Variants in SPHKAP observed in about 807,000 individuals in gnomAD.
The protein encoded by SPHKAP is A-kinase anchor protein SPHKAP.
Under a neutral mutation model 137.5 loss-of-function variants are expected in SPHKAP, and 67 were observed. That is an observed-to-expected ratio of 0.49 (90% CI 0.40 to 0.60). The LOEUF (loss-of-function observed/expected upper bound fraction) is 0.60, where lower values mean the gene tolerates loss of function less well. Ranked by LOEUF, SPHKAP falls within the 20% of genes least tolerant of loss-of-function variation. The pLI is 0.00. For missense variants in SPHKAP, 2,097 were observed against 2,069.3 expected (o/e 1.01, Z -0.26); for synonymous variants, 813 against 785.3 (o/e 1.04, Z -0.59).
In SPHKAP at chr2:228,156,948, A is replaced by T. The variant is rs531291544; in HGVS notation, c.32+24619T>A. Reference sequence around the variant, plus strand: ...CTTTATAAATTACCCAGTCTTAGGTATGTCTTTATTAGCTGCTTGAGAACA... The same window carrying T: ...CTTTATAAATTACCCAGTCTTAGGTTTGTCTTTATTAGCTGCTTGAGAACA... On this transcript the variant is annotated intron_variant, in intron 1 of 11. Coordinates refer to ENST00000392056, the MANE Select transcript of SPHKAP (RefSeq NM_001142644.2). 5.3e-5 allele frequency among the ~76,000 whole-genome samples: 8 copies of T among 152,240 alleles called. No homozygotes were observed. The South Asian group carries it at 1.7e-3, about 32-fold the overall frequency.
chr2:228,156,572 G>A (rs962452228), intron 1 of SPHKAP, among the ~76,000 whole-genome samples: 8 of 152,152 alleles, frequency 5.3e-5, no homozygotes. Flanking sequence ...AAACCAAGTA[G>A]AAATCTGTGT....
chr2:228,059,723 T>A (rs1696572930), intron 3 of SPHKAP, among the ~76,000 whole-genome samples: 1 of 152,204 alleles, frequency 6.6e-6, no homozygotes, highest in Non-Finnish European at 1.5e-5. Context: ...ATCTTACCAA[T>A]AAAGAATAAT....
intron 1 of SPHKAP, among the ~76,000 whole-genome samples, chr2:228,144,867 T>C (rs776795537): frequency 4.6e-5 from 7 of 152,146 alleles, no homozygotes; most frequent in Non-Finnish European, 8.8e-5. Flanking sequence ...ACTGATGTGA[T>C]TGGAAAAAGT....
chr2:228,113,621 C>T (rs1199161484), intron 2 of SPHKAP, among the ~76,000 whole-genome samples: 1 of 140,414 alleles, frequency 7.1e-6, no homozygotes, highest in East Asian at 2.0e-4. Context: ...CTCTCTCTCT[C>T]TCTCTCTCTC....
At position 228,021,746 on chromosome 2, in the gene SPHKAP, A is replaced by C; in HGVS notation, c.662T>G (p.Leu221Trp). 6.2e-7 allele frequency: 1 copy of C among 1,613,990 alleles called. No homozygotes were observed. Among genetic ancestry groups the C allele is most frequent in the Non-Finnish European group, 8.5e-7 (1 of 1,179,954 alleles). Residue 221 changes from leucine (L) to tryptophan (W), a missense_variant, in exon 6 of 12, where the codon TTG (leucine) becomes TGG (tryptophan). Leu to Trp is a moderately conservative substitution (Grantham distance 61). Coordinates refer to ENST00000392056, the MANE Select transcript of SPHKAP (RefSeq NM_001142644.2). Reference protein sequence around the residue: ...EEDFLTASEHLEEESEVDESR... With the variant: ...EEDFLTASEHWEEESEVDESR... ...TTCATCCACCTCGCTTTCCTCCTCC[A>C]AGTGCTCAGAAGCGGTGAGAAAGTC...
chr2:227,986,350 A>G (rs1286357015), intron 11 of SPHKAP, among the ~76,000 whole-genome samples: 1 of 152,188 alleles, frequency 6.6e-6, no homozygotes, highest in Non-Finnish European at 1.5e-5. Context: ...GTTCTCACTC[A>G]TAAGTGGGAG....
intron 2 of SPHKAP, among the ~76,000 whole-genome samples, chr2:228,122,380 A>G (rs1384514623): frequency 6.6e-6 from 1 of 152,188 alleles, no homozygotes; most frequent in African/African-American, 2.4e-5. Context: ...GAACTGAGCT[A>G]TAGAGAACAG....
intron 3 of SPHKAP, among the ~76,000 whole-genome samples, chr2:228,100,041 G>T (rs372983531): frequency 1.3e-5 from 2 of 151,940 alleles, no homozygotes; most frequent in Non-Finnish European, 2.9e-5. Context: ...TAGTAGAGAC[G>T]GGGTTTCACC....
intron 3 of SPHKAP, among the ~76,000 whole-genome samples, chr2:228,055,855 G>T (rs141444645): frequency 1.4e-4 from 22 of 152,298 alleles, no homozygotes; most frequent in African/African-American, 4.8e-4. Context: ...ATTCCAGATT[G>T]CTCCTCCAGT....
chr2:227,997,919 A>G (rs1253503389), intron 7 of SPHKAP, among the ~76,000 whole-genome samples: 2 of 152,146 alleles, frequency 1.3e-5, no homozygotes, highest in Non-Finnish European at 2.9e-5. Context: ...GCAGAGCCAC[A>G]CTCTTAGTCT....
intron 1 of SPHKAP, among the ~76,000 whole-genome samples, chr2:228,156,627 G>A (rs575459704): frequency 6.6e-6 from 1 of 152,166 alleles, no homozygotes; most frequent in Non-Finnish European, 1.5e-5. Context: ...TACTGATATG[G>A]TTTGGCTGTG....
At chr2:228,023,591 A>T (rs1694920227) in intron 5 of SPHKAP, among the ~76,000 whole-genome samples, 1 of 152,238 alleles carries the variant, frequency 6.6e-6, no homozygotes, top group Admixed American at 6.5e-5. Flanking sequence ...GACACACTAC[A>T]CTAAGCTGAA....
intron 3 of SPHKAP, among the ~76,000 whole-genome samples, chr2:228,095,088 T>C (rs950355123): frequency 1.3e-5 from 2 of 152,158 alleles, no homozygotes; most frequent in South Asian, 2.1e-4. Flanking sequence ...GGATTATAGA[T>C]TGGAAAAACG....
chr2:228,062,150 CCT>C (rs1322939769), intron 3 of SPHKAP, among the ~76,000 whole-genome samples: 1 of 151,836 alleles, frequency 6.6e-6, no homozygotes, highest in Non-Finnish European at 1.5e-5. Flanking sequence ...CAACCACTCC[CCT>C]GACCTTTTTT....
At position 228,108,867 on chromosome 2, in the gene SPHKAP, C is replaced by G. The variant is rs756726798; in HGVS notation, c.211G>C (p.Gly71Arg). 3.7e-6 allele frequency: 6 copies of G among 1,610,356 alleles called. No homozygotes were observed. ...LQNQRMPCQI[G>R]FVEDKSENCA... is the part of the protein sequence containing the mutation. The stretch of plus-strand genomic sequence containing the variant: ...TTTTCAGACTTGTCTTCTACAAAAC[C>G]AATTTGGCAGGGCATCCTCTGATTC... Residue 71 changes from glycine to arginine, a missense_variant, in exon 3 of 12, where the codon GGT (glycine) becomes CGT (arginine). Gly to Arg is a moderately radical substitution (Grantham distance 125). Transcript: ENST00000392056.
intron 3 of SPHKAP, among the ~76,000 whole-genome samples, chr2:228,038,449 C>A (rs1695717985): frequency 6.6e-6 from 1 of 152,078 alleles, no homozygotes; most frequent in Non-Finnish European, 1.5e-5. Context: ...ATTACGGTTG[C>A]ATGAGCTGGA....
chr2:228,181,326 CA>C lies in SPHKAP; in HGVS notation c.32+240del, dbSNP rs948003203. On this transcript the variant is annotated intron_variant, in intron 1 of 11. Transcript: ENST00000392056. This position sits in a 1 kb window ranked among gnomAD's most constrained non-coding sequence, Gnocchi z 4.3. ...TAGAGGCGGGCACGGGGCTGACCCC[CA>C]ACCCGTGCCACTCCAGCGCACAGGC... 7.9e-5 allele frequency among the ~76,000 whole-genome samples: 12 copies of C among 152,132 alleles called. No homozygotes were observed. Among genetic ancestry groups the C allele is most frequent in the African/African-American group, 2.9e-4 (12 of 41,464 alleles).
chr2:228,078,604 A>G (rs1697257750), intron 3 of SPHKAP, among the ~76,000 whole-genome samples: 1 of 152,204 alleles, frequency 6.6e-6, no homozygotes, highest in African/African-American at 2.4e-5. Context: ...ACCTACAGAA[A>G]CATCAAGTCA....
intron 11 of SPHKAP, among the ~76,000 whole-genome samples, chr2:227,989,916 C>G (rs1693354111): frequency 6.6e-6 from 1 of 152,212 alleles, no homozygotes; most frequent in South Asian, 2.1e-4. Flanking sequence ...TGCACCTGGC[C>G]TAATCACACA....
Sources: gnomAD v4.1 joint callset for allele counts (sites outside exome capture counted in the v4.1 genomes callset) on GRCh38, gnomAD v4.1.1 for gene constraint, Gnocchi (gnomAD v3.1) non-coding constraint, MANE v1.5 for transcripts, NCBI Gene and HGNC (gene_info 2026-07-23, HGNC 2026-07-21) for gene names.